Variants in CCDC148 observed in about 807,000 individuals in gnomAD.
CCDC148 encodes coiled-coil domain-containing protein 148.
CCDC148 carries 89 observed loss-of-function variants against 85.7 expected under a neutral mutation model. The observed-to-expected ratio is 1.04, with a 90% CI of 0.87 to 1.24. The LOEUF is 1.24. CCDC148 is among the 50% of genes most tolerant of loss of function. The pLI is 0.00. For missense variants in CCDC148, 692 were observed against 671.7 expected (o/e 1.03, Z -0.33); for synonymous variants, 230 against 213.9 (o/e 1.08, Z -0.66).
chr2:158,218,085 G>A (rs1276679082), intron 11 of CCDC148, among the ~76,000 whole-genome samples: 5 of 152,118 alleles, frequency 3.3e-5, no homozygotes, highest in Non-Finnish European at 7.4e-5. Flanking sequence ...AAATTTTTCT[G>A]AGAATTATAT....
In CCDC148 at chr2:158,345,242, T is replaced by G. The variant is rs4664950; in HGVS notation, c.224A>C (p.Gln75Pro). The G allele has an allele frequency of 1.1e-3, 1,847 of 1,613,514 alleles. 24 individuals carry two copies. In the African/African-American group the frequency reaches 0.022, roughly 19 times the overall value. The change falls in exon 3 of 14, where the codon CAG becomes CCG. Residue 75 changes from glutamine (Q) to proline (P), a missense_variant. Coordinates refer to ENST00000283233, the MANE Select transcript of CCDC148 (RefSeq NM_138803.4). ...GACTTCATTCAGCCTCTGGTATTCC[T>G]GCCACCACACTTGCTTGTGTTGTTT... Reference protein sequence around the residue: ...LIKQHKQVWWQEYQRLNEVRC... With the variant: ...LIKQHKQVWWPEYQRLNEVRC...
rs1430368960 is a variant in CCDC148, at chr2:158,213,019, T to C, written c.1370+7576A>G. 7.2e-5 allele frequency among the ~76,000 whole-genome samples: 11 copies of C among 152,178 alleles called. No homozygotes were observed. The East Asian group carries it at 1.9e-3, about 27-fold the overall frequency. On this transcript the variant is annotated intron_variant, in intron 11 of 13. Transcript: ENST00000283233. ...AATTTTGCTGCACTTTAGAATCCCC[T>C]AAGAATTTCCCAAAAATGTGGGGGT...
chr2:158,416,534 G>A (rs1686508092), intron 1 of CCDC148, among the ~76,000 whole-genome samples: 1 of 152,106 alleles, frequency 6.6e-6, no homozygotes, highest in African/African-American at 2.4e-5. Context: ...TAGATCTGGG[G>A]CACAATGCTG....
chr2:158,252,972 T>C (rs1323947449), intron 9 of CCDC148, among the ~76,000 whole-genome samples: 1 of 151,808 alleles, frequency 6.6e-6, no homozygotes, highest in African/African-American at 2.4e-5. Context: ...CTGCTTCTCC[T>C]TTCCAAATAT....
chr2:158,317,388 G>A (rs976439927), intron 7 of CCDC148, among the ~76,000 whole-genome samples: 5 of 152,124 alleles, frequency 3.3e-5, no homozygotes, highest in African/African-American at 1.2e-4. Flanking sequence ...GCCTACAAAA[G>A]GTGAGGTATT....
chr2:158,245,594 A>G (rs6437149), intron 10 of CCDC148, among the ~76,000 whole-genome samples: 7,392 of 152,252 alleles, frequency 0.049, 618 homozygotes, highest in African/African-American at 0.17. Context: ...TGAGGCTAGA[A>G]CCATCCTTGT....
Position 158,437,572 on chromosome 2 carries a change from C to T in CCDC148, c.25+18843G>A, listed in dbSNP as rs574977902. On this transcript the variant is annotated intron_variant, in intron 1 of 13. Coordinates refer to ENST00000283233, the MANE Select transcript of CCDC148 (RefSeq NM_138803.4). ...ATTCCCTTTGAAAACTGGCACAAGA[C>T]AGGGATGCCCTCTCTCACCCCTCCT... Among the ~76,000 whole-genome samples the T allele has an allele frequency of 5.3e-3, 807 of 152,274 alleles. 9 individuals are homozygous for T. The highest frequency in any genetic ancestry group is 0.018 in the African/African-American group (763 of 41,548).
intron 1 of CCDC148, among the ~76,000 whole-genome samples, chr2:158,398,443 C>T (rs1006450641): frequency 2.0e-4 from 30 of 152,058 alleles, no homozygotes; most frequent in Admixed American, 1.4e-3. Context: ...GAATGCAGTG[C>T]GATCAAATTA....
At chr2:158,452,513 T>C (rs1262566763) in intron 1 of CCDC148, among the ~76,000 whole-genome samples, 1 of 152,214 alleles carries the variant, frequency 6.6e-6, no homozygotes, top group East Asian at 1.9e-4. Context: ...AAAATATTCC[T>C]TATGCCAAAA....
At chr2:158,380,605 G>A (rs1029495419) in intron 1 of CCDC148, among the ~76,000 whole-genome samples, 3 of 152,122 alleles carry the variant, frequency 2.0e-5, no homozygotes, top group African/African-American at 7.2e-5. Context: ...TTGTGCATAT[G>A]AAAATTGGCA....
chr2:158,232,451 T>C (rs11693922), intron 10 of CCDC148, among the ~76,000 whole-genome samples: 57,243 of 151,894 alleles, frequency 0.38, 12,963 homozygotes, highest in East Asian at 0.66. Flanking sequence ...TATTAGAGTA[T>C]CTCAAAGTTT....
At chr2:158,186,380 G>A (rs1685156035) in intron 11 of CCDC148, among the ~76,000 whole-genome samples, 1 of 151,990 alleles carries the variant, frequency 6.6e-6, no homozygotes, top group Non-Finnish European at 1.5e-5. Context: ...CAGGTCTGGG[G>A]TCATGGCATA....
intron 1 of CCDC148, among the ~76,000 whole-genome samples, chr2:158,436,152 AC>A (rs1687641449): frequency 2.0e-5 from 3 of 152,114 alleles, no homozygotes; most frequent in Admixed American, 1.3e-4. Context: ...AGAACTCTCC[AC>A]CCCAAATCAT....
At chr2:158,408,344 T>G (rs1441394273) in intron 1 of CCDC148, among the ~76,000 whole-genome samples, 1 of 152,172 alleles carries the variant, frequency 6.6e-6, no homozygotes, top group Admixed American at 6.5e-5. Context: ...TTATTCACCT[T>G]GCATAACTGA....
intron 8 of CCDC148, 73 bp downstream of exon 8, chr2:158,313,683 T>C (rs758228809): frequency 5.7e-5 from 79 of 1,377,308 alleles, no homozygotes; most frequent in Non-Finnish European, 7.6e-5. Flanking sequence ...TGAAAATACA[T>C]GTACATTGCT....
intron 11 of CCDC148, among the ~76,000 whole-genome samples, chr2:158,190,691 C>T (rs959181901): frequency 6.6e-6 from 1 of 152,036 alleles, no homozygotes; most frequent in Non-Finnish European, 1.5e-5. Context: ...ATCATTTTAA[C>T]AGTTGTGTAA....
intron 9 of CCDC148, 114 bp downstream of exon 9, chr2:158,309,319 A>T: frequency 1.2e-6 from 1 of 828,422 alleles, no homozygotes. Flanking sequence ...GTTTTATTAA[A>T]GGTAGGCTTT....
intron 9 of CCDC148, among the ~76,000 whole-genome samples, chr2:158,298,366 G>A (rs1691293002): frequency 6.6e-6 from 1 of 152,068 alleles, no homozygotes; most frequent in Non-Finnish European, 1.5e-5. Flanking sequence ...GGTTTGTTGA[G>A]CTTCTTAAAA....
chr2:158,243,121 A>G (rs958252343), intron 10 of CCDC148, among the ~76,000 whole-genome samples: 9 of 152,072 alleles, frequency 5.9e-5, no homozygotes, highest in Non-Finnish European at 1.2e-4. Flanking sequence ...GTGCTTTTAC[A>G]GGAGGATCTG....
Sources: gnomAD v4.1 joint callset for allele counts (sites outside exome capture counted in the v4.1 genomes callset) on GRCh38, gnomAD v4.1.1 for gene constraint, MANE v1.5 for transcripts, NCBI Gene and HGNC (gene_info 2026-07-23, HGNC 2026-07-21) for gene names.